Variants in TBL1XR1 observed in about 807,000 individuals in gnomAD.
TBL1XR1 encodes the protein TBL1X/Y related 1, also known as F-box-like/WD repeat-containing protein TBL1XR1.
In TBL1XR1, 5 loss-of-function variants were observed where a neutral mutation model predicts 66.9. The observed-to-expected ratio is 0.07, with a 90% CI of 0.04 to 0.16. The LOEUF (loss-of-function observed/expected upper bound fraction) is 0.16, where lower values mean the gene tolerates loss of function less well. Ranked by LOEUF, TBL1XR1 falls within the 10% of genes least tolerant of loss-of-function variation. The pLI, the probability that TBL1XR1 is intolerant of heterozygous loss-of-function variation, is 1.00. For synonymous variants in TBL1XR1, 210 were observed against 206.0 expected (o/e 1.02, Z -0.17); for missense variants, 238 against 623.2 (o/e 0.38, Z 6.58).
chr3:177,074,618 C>T (rs1029321101), intron 2 of TBL1XR1, among the ~76,000 whole-genome samples: 1 of 152,164 alleles, frequency 6.6e-6, no homozygotes, highest in African/African-American at 2.4e-5. Flanking sequence ...CTAACATCAA[C>T]GGAGCCCACT....
At chr3:177,174,984 G>A (rs555695023) in intron 1 of TBL1XR1, among the ~76,000 whole-genome samples, 24 of 152,286 alleles carry the variant, frequency 1.6e-4, no homozygotes, top group Admixed American at 1.3e-3. Flanking sequence ...CTTAAAAACT[G>A]TACGCTAGAC....
chr3:177,163,062 T>G lies in TBL1XR1; in HGVS notation c.-122+34059A>C, dbSNP rs576869563. ...CAATTATTTATTTATCATACAGATA[T>G]CCTTTTATGCATAGGGAATGATCTA... is the stretch of plus-strand genomic sequence containing the variant. On this transcript the variant is annotated intron_variant, in intron 1 of 15. Coordinates refer to ENST00000457928, the MANE Select transcript of TBL1XR1 (RefSeq NM_024665.7). Among the ~76,000 whole-genome samples, 6 of 152,334 alleles carry G rather than the reference T, an allele frequency of 3.9e-5. No homozygotes were observed. The East Asian group carries it at 9.6e-4, about 24-fold the overall frequency.
At chr3:177,178,549 T>C (rs1362909946) in intron 1 of TBL1XR1, among the ~76,000 whole-genome samples, 2 of 152,190 alleles carry the variant, frequency 1.3e-5, no homozygotes, top group Non-Finnish European at 2.9e-5. Flanking sequence ...AAGTTCCTAA[T>C]AAAGATACAA....
chr3:177,071,031 G>GTTTTTTTTTTTTTTTTTTTTTTTTTTTT (rs764951521), intron 2 of TBL1XR1, among the ~76,000 whole-genome samples: 1 of 104,684 alleles, frequency 9.6e-6, no homozygotes, highest in African/African-American at 3.9e-5. Context: ...CTGAGAATCT[G>GTTTTTTTTTTTTTTTTTTTTTTTTTTTT]TTTTTTTTTT....
chr3:177,082,746 A>ATATATATATATATATATATG, intron 2 of TBL1XR1, among the ~76,000 whole-genome samples: 1 of 109,704 alleles, frequency 9.1e-6, no homozygotes, highest in African/African-American at 3.4e-5. Context: ...GATTATATAT[A>ATATATATATATATATATATG]TATATATATA....
At chr3:177,090,051 A>C (rs761428837) in intron 2 of TBL1XR1, among the ~76,000 whole-genome samples, 4 of 152,236 alleles carry the variant, frequency 2.6e-5, no homozygotes, top group Non-Finnish European at 5.9e-5. Context: ...AAATCTGGCA[A>C]ATTGACATGC....
intron 3 of TBL1XR1, among the ~76,000 whole-genome samples, chr3:177,057,874 T>C (rs954681945): frequency 1.3e-5 from 2 of 152,086 alleles, no homozygotes; most frequent in African/African-American, 4.8e-5. Context: ...ATGAAGTATA[T>C]AGTCATTCAG....
intron 1 of TBL1XR1, among the ~76,000 whole-genome samples, chr3:177,146,480 G>A (rs1730259652): frequency 6.7e-6 from 1 of 150,010 alleles, no homozygotes; most frequent in African/African-American, 2.5e-5. Context: ...TAGAGATGGG[G>A]GTTTCACCAT....
In TBL1XR1 at chr3:177,051,592, A is replaced by G; in HGVS notation, c.339T>C (p.Ala113=). The G allele has an allele frequency of 6.2e-7, 1 of 1,613,370 alleles. No homozygotes were observed. The highest frequency in any genetic ancestry group is 8.5e-7 in the Non-Finnish European group (1 of 1,179,696). ...CTTGTTGGCTGGCTGCAGCTGCGGC[A>G]GCTGCAGCAGCTGCTGCCTGTTGCT... The part of the protein sequence containing the change: ...LAQQQAAAAA[A]AAAAASQQGS... Residue 113 remains alanine, a synonymous_variant, in exon 5 of 16, where the codon GCT becomes GCC. Transcript: ENST00000457928.
chr3:177,126,608 T>C (rs1210966917), intron 1 of TBL1XR1, among the ~76,000 whole-genome samples: 1 of 152,174 alleles, frequency 6.6e-6, no homozygotes, highest in African/African-American at 2.4e-5. Flanking sequence ...GTAACACCCA[T>C]AAAATACTGC....
At chr3:177,110,415 C>A (rs1412896117) in intron 1 of TBL1XR1, among the ~76,000 whole-genome samples, 1 of 152,154 alleles carries the variant, frequency 6.6e-6, no homozygotes, top group Non-Finnish European at 1.5e-5. Flanking sequence ...CCCACCATTA[C>A]GAATTTAAAA....
intron 2 of TBL1XR1, among the ~76,000 whole-genome samples, chr3:177,082,788 C>T (rs1721597760): frequency 1.4e-5 from 1 of 71,212 alleles, no homozygotes; most frequent in Non-Finnish European, 2.9e-5. Context: ...CGGAGTCTTG[C>T]TGTGTTGCCC....
chr3:177,172,922 C>T lies in TBL1XR1; in HGVS notation c.-122+24199G>A, dbSNP rs943402508. Among the ~76,000 whole-genome samples the T allele has an allele frequency of 3.3e-5, 5 of 152,234 alleles. No homozygotes were observed. The South Asian group carries it at 1.0e-3, about 32-fold the overall frequency. ...GCGCGGTGGCTCATGCCTGTAATCC[C>T]AGCACTTTGGGAGGCCAAGAAGGGC... On this transcript the variant is annotated intron_variant, in intron 1 of 15. Transcript: ENST00000457928.
chr3:177,180,755 A>G (rs961149068), intron 1 of TBL1XR1, among the ~76,000 whole-genome samples: 2 of 146,612 alleles, frequency 1.4e-5, no homozygotes, highest in African/African-American at 5.0e-5. Flanking sequence ...TTTTTTTTTG[A>G]GACGGAGATT....
At chr3:177,058,020 G>A (rs1452936356) in intron 3 of TBL1XR1, among the ~76,000 whole-genome samples, 1 of 152,112 alleles carries the variant, frequency 6.6e-6, no homozygotes, top group African/African-American at 2.4e-5. Context: ...TCTCAAAGGG[G>A]AGTTAGTCAT....
intron 1 of TBL1XR1, among the ~76,000 whole-genome samples, chr3:177,176,751 G>T (rs1245827439): frequency 1.3e-5 from 2 of 152,010 alleles, no homozygotes; most frequent in Admixed American, 1.3e-4. Flanking sequence ...GGAGGCAGAG[G>T]TTGCAGTGAG....
At chr3:177,120,256 A>G (rs1041827282) in intron 1 of TBL1XR1, among the ~76,000 whole-genome samples, 1 of 151,812 alleles carries the variant, frequency 6.6e-6, no homozygotes, top group Non-Finnish European at 1.5e-5. Flanking sequence ...GAGGCTGTCT[A>G]CCTTTCAAGA....
Position 177,050,084 on chromosome 3 carries a change from G to A in TBL1XR1, c.615C>T (p.Gly205=). 7 of 1,611,582 alleles carry A rather than the reference G, an allele frequency of 4.3e-6. No individual in the cohort carries two copies. Among genetic ancestry groups the A allele is most frequent in the Non-Finnish European group, 5.9e-6 (7 of 1,178,872 alleles). ...AATGTCTAAGTACTAACTGTGTAGAGCCACTGGTGCTGTTCTCACTAAGAT... is the reference window on the plus strand; with the variant it reads ...AATGTCTAAGTACTAACTGTGTAGAACCACTGGTGCTGTTCTCACTAAGAT... ...IWNLSENSTS[G]STQLVLRHCI... The change falls in exon 7 of 16, where the codon GGC becomes GGT. Residue 205 remains glycine (G), a synonymous_variant. Transcript: ENST00000457928.
intron 1 of TBL1XR1, among the ~76,000 whole-genome samples, chr3:177,103,141 A>G (rs1724430775): frequency 6.6e-6 from 1 of 152,230 alleles, no homozygotes; most frequent in African/African-American, 2.4e-5. Flanking sequence ...GGAAAAACTC[A>G]CCAGTGGATT....
Sources: allele counts gnomAD v4.1 joint callset (sites outside exome capture counted in the v4.1 genomes callset), GRCh38; gene constraint gnomAD v4.1.1; transcripts MANE v1.5; gene names NCBI Gene and HGNC (gene_info 2026-07-23, HGNC 2026-07-21).